ITGA4: variants seen among roughly 807,000 people sequenced by gnomAD.
ITGA4 encodes the protein integrin alpha-4.
In ITGA4, 63 loss-of-function variants were observed where a neutral mutation model predicts 133.6. That is an observed-to-expected ratio of 0.47 (90% CI 0.38 to 0.58). The LOEUF is 0.58. Ranked by LOEUF, ITGA4 falls within the 20% of genes least tolerant of loss-of-function variation. The pLI is 0.00. For synonymous variants in ITGA4, 483 were observed against 438.0 expected, an observed-to-expected ratio of 1.10 and a Z score of -1.28; for missense variants, 1,076 against 1,252.7, an observed-to-expected ratio of 0.86 and a Z score of 2.13.
intron 15 of ITGA4, among the ~76,000 whole-genome samples, chr2:181,500,785 C>G (rs1199202126): frequency 1.3e-5 from 2 of 152,228 alleles, no homozygotes; most frequent in East Asian, 3.9e-4. Context: ...TGAGTACCCA[C>G]ATTGTGTCAA....
At chr2:181,466,446 A>T (rs1048208697) in intron 2 of ITGA4, among the ~76,000 whole-genome samples, 1 of 152,096 alleles carries the variant, frequency 6.6e-6, no homozygotes, top group African/African-American at 2.4e-5. Context: ...TTAAAAAAAC[A>T]TACTTTGAGA....
intron 4 of ITGA4, 114 bp downstream of exon 4, chr2:181,475,402 A>T (rs756413513): frequency 1.6e-4 from 129 of 822,396 alleles, no homozygotes; most frequent in Non-Finnish European, 2.3e-4. Context: ...CTTCTAAGTA[A>T]TTATGTTCTT....
intron 2 of ITGA4, among the ~76,000 whole-genome samples, chr2:181,465,505 G>T (rs943221894): frequency 1.3e-5 from 2 of 151,926 alleles, no homozygotes; most frequent in African/African-American, 4.8e-5. Context: ...TATTTCCCTG[G>T]AGTATTTTCT....
intron 10 of ITGA4, among the ~76,000 whole-genome samples, chr2:181,489,653 G>A (rs1686000157): frequency 6.6e-6 from 1 of 152,144 alleles, no homozygotes; most frequent in Admixed American, 6.5e-5. Context: ...CATTAAGTGA[G>A]CACTTCTGTT....
At chr2:181,492,887 T>C (rs1471653169) in intron 10 of ITGA4, 7 of 152,916 alleles carry the variant, frequency 4.6e-5, no homozygotes, top group African/African-American at 1.4e-4. Context: ...TATGAGGTTA[T>C]TACATGCGAG....
At chr2:181,506,843 A>G (rs996454877) in intron 15 of ITGA4, among the ~76,000 whole-genome samples, 2 of 152,120 alleles carry the variant, frequency 1.3e-5, no homozygotes, top group African/African-American at 4.8e-5. Context: ...TGAAATGTCT[A>G]TAGATAAATA....
At chr2:181,490,140 A>G (rs1171866410) in intron 10 of ITGA4, among the ~76,000 whole-genome samples, 1 of 152,220 alleles carries the variant, frequency 6.6e-6, no homozygotes, top group African/African-American at 2.4e-5. Context: ...TATAGATAAC[A>G]TAACCAATTA....
chr2:181,512,106 T>A (rs1226583521), intron 17 of ITGA4, among the ~76,000 whole-genome samples: 7 of 152,140 alleles, frequency 4.6e-5, no homozygotes, highest in Non-Finnish European at 7.4e-5. Flanking sequence ...TGTTGGTTGC[T>A]GTCGTTATTT....
At chr2:181,511,925 C>T (rs919999347) in intron 17 of ITGA4, 150 bp downstream of exon 17, 9 of 512,416 alleles carry the variant, frequency 1.8e-5, no homozygotes, top group East Asian at 3.0e-5. Context: ...AGTTTTTTAT[C>T]GGCCAGAAAA....
At chr2:181,507,354 T>G (rs1238827088) in intron 15 of ITGA4, among the ~76,000 whole-genome samples, 1 of 152,136 alleles carries the variant, frequency 6.6e-6, no homozygotes, top group Non-Finnish European at 1.5e-5. Flanking sequence ...GTTTCTCAAT[T>G]GAATTCTGTT....
At chr2:181,463,798 C>T (rs764107119) in intron 2 of ITGA4, among the ~76,000 whole-genome samples, 8 of 152,038 alleles carry the variant, frequency 5.3e-5, no homozygotes, top group Admixed American at 1.3e-4. Flanking sequence ...GAGTAATTGA[C>T]GTAACCCCAT....
chr2:181,516,597 T>A lies in ITGA4; in HGVS notation c.1922+4822T>A, dbSNP rs909524804. The stretch of plus-strand genomic sequence containing the variant: ...TAACCAGACGTGTGTTACCTGTTTA[T>A]CCCTGATTCTGTTATGGTTGAAGGA... On this transcript the variant is annotated intron_variant, in intron 17 of 27. Coordinates refer to ENST00000397033, the MANE Select transcript of ITGA4 (RefSeq NM_000885.6). This position sits in a 1 kb window ranked among gnomAD's most constrained non-coding sequence, Gnocchi z 4.0. Among the ~76,000 whole-genome samples the A allele has an allele frequency of 1.3e-5, 2 of 152,084 alleles. No individual in the cohort carries two copies. The highest frequency in any genetic ancestry group is 4.8e-5 in the African/African-American group (2 of 41,434).
chr2:181,536,219 A>ATCTT lies in ITGA4; in HGVS notation c.*700_*703dup, dbSNP rs546105491. 6.6e-6 allele frequency: 1 copy of ATCTT among 151,998 alleles called. No homozygotes were observed. Among genetic ancestry groups the ATCTT allele is most frequent in the African/African-American group, 2.4e-5 (1 of 41,428 alleles). The allele number at this position is 151,998 out of a possible 1,614,324, so 9.4% of individuals were successfully genotyped here. A position where few individuals can be genotyped will look rare whatever the true frequency, so the allele number is the denominator to read the frequency against. On this transcript the variant is annotated 3_prime_UTR_variant, in exon 28 of 28. Coordinates refer to ENST00000397033, the MANE Select transcript of ITGA4 (RefSeq NM_000885.6). ...TTTTTTTATAATTATGGATTTCACC[A>ATCTT]TCTTTCTTTCTGTATATATACATGT...
At chr2:181,480,419 G>A (rs951226499) in intron 6 of ITGA4, among the ~76,000 whole-genome samples, 153 bp downstream of exon 6, 23 of 151,984 alleles carry the variant, frequency 1.5e-4, no homozygotes, top group Admixed American at 1.1e-3. Context: ...TTAAGGATAG[G>A]ATTTATGAAA....
chr2:181,482,876 G>A (rs1480827681), intron 9 of ITGA4, among the ~76,000 whole-genome samples: 2 of 152,082 alleles, frequency 1.3e-5, no homozygotes, highest in Non-Finnish European at 2.9e-5. Flanking sequence ...TTGTTAGGGA[G>A]TTTCTCTGTT....
In ITGA4 at chr2:181,522,251, G is replaced by A; in HGVS notation, c.1983G>A (p.Val661=). Reference sequence around the variant, plus strand: ...GTATGAAGACATTGATGTTGAATGTGTCCTTGTTTAATGCTGGAGATGATG... The same window carrying A: ...GTATGAAGACATTGATGTTGAATGTATCCTTGTTTAATGCTGGAGATGATG... The part of the protein sequence containing the change: ...VGSMKTLMLN[V]SLFNAGDDAY... The change falls in exon 18 of 28, where the codon GTG becomes GTA. Residue 661 remains valine, a synonymous_variant. Coordinates refer to ENST00000397033, the MANE Select transcript of ITGA4 (RefSeq NM_000885.6). 6.2e-7 allele frequency: 1 copy of A among 1,604,382 alleles called. No homozygotes were observed. The highest frequency in any genetic ancestry group is 8.5e-7 in the Non-Finnish European group (1 of 1,172,018).
chr2:181,506,870 A>T, intron 15 of ITGA4, among the ~76,000 whole-genome samples: 1 of 152,098 alleles, frequency 6.6e-6, no homozygotes, highest in East Asian at 1.9e-4. Flanking sequence ...TGGTCCACTG[A>T]CATTACTTAG....
rs77810047 is a variant in ITGA4 at position 181,463,315 on chromosome 2, G to A, written c.319+4998G>A. Among the ~76,000 whole-genome samples, 560 of 152,204 alleles carry A rather than the reference G, an allele frequency of 3.7e-3. 14 individuals carry two copies. The East Asian group carries it at 0.064, about 17-fold the overall frequency. Reference sequence around the variant, plus strand: ...TTTACCCTAGGATATTTAAAACTGGGGAGTGACATGATCAGATTTGTGTGT... The same window carrying A: ...TTTACCCTAGGATATTTAAAACTGGAGAGTGACATGATCAGATTTGTGTGT... On this transcript the variant is annotated intron_variant, in intron 2 of 27. Coordinates refer to ENST00000397033, the MANE Select transcript of ITGA4 (RefSeq NM_000885.6).
intron 4 of ITGA4, among the ~76,000 whole-genome samples, chr2:181,478,320 T>C (rs946691220): frequency 2.0e-5 from 3 of 152,050 alleles, no homozygotes; most frequent in Admixed American, 6.6e-5. Context: ...ACTGGAAATT[T>C]GCCAAGAGAG....
Sources: allele counts gnomAD v4.1 joint callset (sites outside exome capture counted in the v4.1 genomes callset), GRCh38; gene constraint gnomAD v4.1.1; non-coding constraint Gnocchi (gnomAD v3.1); transcripts MANE v1.5; gene names NCBI Gene and HGNC (gene_info 2026-07-23, HGNC 2026-07-21).